Variants in GPC6 observed in about 807,000 individuals in gnomAD.
The protein encoded by GPC6 is glypican-6.
A neutral mutation model predicts 55.2 loss-of-function variants in GPC6; 14 were observed. The ratio of observed to expected loss-of-function variants is 0.25; its 90% CI spans 0.17 to 0.40. The LOEUF is 0.40. Ranked by LOEUF, GPC6 falls within the 10% of genes least tolerant of loss-of-function variation. The pLI, the probability that GPC6 is intolerant of heterozygous loss-of-function variation, is 1.00. For synonymous variants in GPC6, 278 were observed against 259.6 expected, an observed-to-expected ratio of 1.07 and a Z score of -0.68; for missense variants, 641 against 708.5, an observed-to-expected ratio of 0.90 and a Z score of 1.08.
At chr13:94,081,363 T>C (rs1885090299) in intron 4 of GPC6, among the ~76,000 whole-genome samples, 1 of 152,338 alleles carries the variant, frequency 6.6e-6, no homozygotes, top group Non-Finnish European at 1.5e-5. Context: ...TCTCTTCAGT[T>C]ACTCTCCCAC....
chr13:93,529,572 G>A (rs1009279372), intron 1 of GPC6, among the ~76,000 whole-genome samples: 1 of 133,574 alleles, frequency 7.5e-6, no homozygotes, highest in African/African-American at 3.0e-5. Flanking sequence ...CTGGAGTGTA[G>A]TGGCACCATC....
intron 2 of GPC6, among the ~76,000 whole-genome samples, chr13:93,806,248 G>C (rs968263749): frequency 1.6e-4 from 25 of 152,124 alleles, no homozygotes; most frequent in African/African-American, 5.8e-4. Context: ...TATGTTCATG[G>C]GCCTCTGTTC....
chr13:94,100,953 G>A (rs1396006197), intron 4 of GPC6, among the ~76,000 whole-genome samples: 1 of 152,212 alleles, frequency 6.6e-6, no homozygotes, highest in Non-Finnish European at 1.5e-5. Context: ...TCAATAGGTT[G>A]AAAGAATTAC....
chr13:93,582,914 T>G (rs1345434124), intron 2 of GPC6, among the ~76,000 whole-genome samples: 1 of 152,228 alleles, frequency 6.6e-6, no homozygotes, highest in Non-Finnish European at 1.5e-5. Flanking sequence ...GCAGTTTTCC[T>G]TGGAAAGTAT....
chr13:94,111,815 CT>C (rs1886260255), intron 4 of GPC6, among the ~76,000 whole-genome samples: 1 of 152,038 alleles, frequency 6.6e-6, no homozygotes, highest in Non-Finnish European at 1.5e-5. Context: ...TCAGTAATTG[CT>C]TTTTGATGTG....
At chr13:94,268,009 G>A (rs1197186250) in intron 4 of GPC6, among the ~76,000 whole-genome samples, 2 of 152,190 alleles carry the variant, frequency 1.3e-5, no homozygotes, top group Admixed American at 6.5e-5. Context: ...CAGTGGAGAG[G>A]CTAGTGGGGT....
intron 4 of GPC6, among the ~76,000 whole-genome samples, chr13:94,210,357 A>C (rs1890041515): frequency 6.6e-6 from 1 of 151,664 alleles, no homozygotes; most frequent in Non-Finnish European, 1.5e-5. Flanking sequence ...GGGTTTCACT[A>C]TGTTAGCCAG....
rs558567994 is a variant in GPC6 at position 93,960,277 on chromosome 13, A to G, written c.712-67452A>G. Among the ~76,000 whole-genome samples, 7 of 152,268 alleles carry G rather than the reference A, an allele frequency of 4.6e-5. No individual in the cohort carries two copies. The South Asian group carries it at 6.2e-4, about 14-fold the overall frequency. On this transcript the variant is annotated intron_variant, in intron 3 of 8. Coordinates refer to ENST00000377047, the MANE Select transcript of GPC6 (RefSeq NM_005708.5). Reference sequence around the variant, plus strand: ...GTTTTTACATATTGAGCACTTAATTACTGATTTGAGCAAGTCTTCCAGGAT... The same window carrying G: ...GTTTTTACATATTGAGCACTTAATTGCTGATTTGAGCAAGTCTTCCAGGAT...
intron 2 of GPC6, among the ~76,000 whole-genome samples, chr13:93,811,155 G>C (rs1886683637): frequency 6.6e-6 from 1 of 152,150 alleles, no homozygotes; most frequent in South Asian, 2.1e-4. Context: ...CCCAGATGAT[G>C]GTACAGAAGG....
At position 94,403,731 on chromosome 13, in the gene GPC6, T is replaced by C. The variant is rs1881254724; in HGVS notation, c.*514T>C. 5.1e-6 allele frequency: 1 copy of C among 194,602 alleles called. No homozygotes were observed. The highest frequency in any genetic ancestry group is 1.0e-4 in the South Asian group (1 of 10,026). The allele number at this position is 194,602 out of a possible 1,614,324, so 12.1% of individuals were successfully genotyped here. On this transcript the variant is annotated 3_prime_UTR_variant, in exon 9 of 9. Transcript: ENST00000377047. ...AAGCTTTTTTGTGACAAATCCGGGTTTAAAAATGCTTATGGGGAGAAAGCT... is the reference window on the plus strand; with the variant it reads ...AAGCTTTTTTGTGACAAATCCGGGTCTAAAAATGCTTATGGGGAGAAAGCT...
intron 1 of GPC6, among the ~76,000 whole-genome samples, chr13:93,327,257 T>C (rs1184878305): frequency 6.6e-6 from 1 of 152,192 alleles, no homozygotes; most frequent in East Asian, 1.9e-4. Flanking sequence ...ATTGTTCAAA[T>C]AAATTATTAG....
intron 1 of GPC6, among the ~76,000 whole-genome samples, chr13:93,372,003 A>T (rs1211109853): frequency 6.6e-6 from 1 of 152,134 alleles, no homozygotes. Context: ...AGTGAAACAT[A>T]CATCTTATTG....
At chr13:94,098,467 A>G (rs1346770152) in intron 4 of GPC6, among the ~76,000 whole-genome samples, 3 of 152,212 alleles carry the variant, frequency 2.0e-5, no homozygotes, top group Non-Finnish European at 4.4e-5. Flanking sequence ...GTCAAAATCA[A>G]TATCATCCTT....
chr13:93,514,053 T>C (rs1443095674), intron 1 of GPC6, among the ~76,000 whole-genome samples: 1 of 151,936 alleles, frequency 6.6e-6, no homozygotes, highest in Non-Finnish European at 1.5e-5. Flanking sequence ...TTTGTATTTT[T>C]AGTAGAAACA....
At chr13:93,672,170 T>A in intron 2 of GPC6, among the ~76,000 whole-genome samples, 1 of 148,950 alleles carries the variant, frequency 6.7e-6, no homozygotes, top group Non-Finnish European at 1.5e-5. Context: ...TTTTAGTAGC[T>A]AATAGTGTGT....
At chr13:94,352,256 A>G (rs1051693582) in intron 6 of GPC6, among the ~76,000 whole-genome samples, 4 of 152,032 alleles carry the variant, frequency 2.6e-5, no homozygotes, top group Non-Finnish European at 5.9e-5. Flanking sequence ...TGAGAGTGGG[A>G]CTGGGCTCTC....
chr13:93,842,874 AT>A (rs1237333808), intron 3 of GPC6, among the ~76,000 whole-genome samples: 2 of 151,984 alleles, frequency 1.3e-5, no homozygotes, highest in South Asian at 2.1e-4. Context: ...GTTCATCTGA[AT>A]TTTTTTGAAG....
At chr13:94,278,254 A>T (rs952540418) in intron 4 of GPC6, among the ~76,000 whole-genome samples, 2 of 151,928 alleles carry the variant, frequency 1.3e-5, no homozygotes, top group Non-Finnish European at 2.9e-5. Context: ...TGTTGGTATA[A>T]AGGAATGTTT....
intron 1 of GPC6, among the ~76,000 whole-genome samples, chr13:93,439,691 A>AAAT (rs1219122117): frequency 2.0e-4 from 14 of 69,434 alleles, no homozygotes; most frequent in Non-Finnish European, 3.9e-4. Context: ...TAAAATAAAT[A>AAAT]AAAAAAATAA....
Sources: gnomAD v4.1 joint callset for allele counts (sites outside exome capture counted in the v4.1 genomes callset) on GRCh38, gnomAD v4.1.1 for gene constraint, MANE v1.5 for transcripts, NCBI Gene and HGNC (gene_info 2026-07-23, HGNC 2026-07-21) for gene names.